TNR: variants seen among roughly 807,000 people sequenced by gnomAD.
TNR encodes tenascin-R.
TNR carries 45 observed loss-of-function variants against 150.4 expected under a neutral mutation model. The observed-to-expected ratio is 0.30, with a 90% CI of 0.24 to 0.38. The LOEUF is 0.38. Among genes scored for constraint, TNR ranks in the 10% least tolerant of loss-of-function variants. The pLI is 1.00. For missense variants in TNR, 1,544 were observed against 1,759.1 expected (o/e 0.88, Z 2.19); for synonymous variants, 687 against 678.4 (o/e 1.01, Z -0.20).
chr1:175,484,337 C>T (rs2102131502), intron 2 of TNR, among the ~76,000 whole-genome samples: 1 of 152,356 alleles, frequency 6.6e-6, no homozygotes, highest in Non-Finnish European at 1.5e-5. Context: ...CACTCTTCCT[C>T]TTTCCCTTTC....
Position 175,736,401 on chromosome 1 carries a change from G to A in TNR, c.-165+6825C>T, listed in dbSNP as rs564814127. On this transcript the variant is annotated intron_variant, in intron 1 of 22. Transcript: ENST00000367674. ...TGGGGCGTGGTGGCCGGTGCCTGTA[G>A]TCCCAGCTACTTGGGAGGCTGAGGC... Among the ~76,000 whole-genome samples the A allele has an allele frequency of 4.6e-5, 7 of 152,148 alleles. No individual in the cohort carries two copies. The South Asian group carries it at 1.5e-3, about 32-fold the overall frequency.
intron 8 of TNR, among the ~76,000 whole-genome samples, chr1:175,381,132 T>C (rs1652658976): frequency 6.6e-6 from 1 of 152,232 alleles, no homozygotes; most frequent in African/African-American, 2.4e-5. Flanking sequence ...TTATGTGTGT[T>C]ATTTCTCCAG....
In TNR at chr1:175,356,461, G is replaced by A. The variant is rs777809906; in HGVS notation, c.2976C>T (p.Val992=). ...CGTCAACAAGGATGGTCTCTCCAGCGACTGAACTCAAATGAATATGAATAA... is the reference window on the plus strand; with the variant it reads ...CGTCAACAAGGATGGTCTCTCCAGCAACTGAACTCAAATGAATATGAATAA... ...NYVIVLTHFA[V]AGETILVDGV... Residue 992 remains valine (V), a splice_region_variant and synonymous_variant, in exon 16 of 23, where the codon GTC becomes GTT. Coordinates refer to ENST00000367674, the MANE Select transcript of TNR (RefSeq NM_003285.3). 5.0e-6 allele frequency: 8 copies of A among 1,613,710 alleles called. No individual in the cohort carries two copies. The highest frequency in any genetic ancestry group is 4.4e-5 in the South Asian group (4 of 91,044).
chr1:175,695,943 T>C (rs1558077507), intron 1 of TNR, among the ~76,000 whole-genome samples: 1 of 151,978 alleles, frequency 6.6e-6, no homozygotes, highest in African/African-American at 2.4e-5. Context: ...AATTGTTGGA[T>C]GGATGGAAGG....
At chr1:175,490,542 A>G (rs1433159878) in intron 2 of TNR, among the ~76,000 whole-genome samples, 1 of 152,168 alleles carries the variant, frequency 6.6e-6, no homozygotes, top group Non-Finnish European at 1.5e-5. Context: ...AACCAATCCC[A>G]TTAAAAAGTG....
intron 1 of TNR, among the ~76,000 whole-genome samples, chr1:175,623,336 A>G (rs1274541156): frequency 6.6e-6 from 1 of 152,222 alleles, no homozygotes; most frequent in African/African-American, 2.4e-5. Context: ...TACCTGATAC[A>G]GTCTTTGGAT....
chr1:175,489,760 C>T (rs1284931622), intron 2 of TNR, among the ~76,000 whole-genome samples: 1 of 152,202 alleles, frequency 6.6e-6, no homozygotes, highest in Non-Finnish European at 1.5e-5. Flanking sequence ...CTGTTTTTTA[C>T]ATCACTTTTT....
At chr1:175,703,659 G>A (rs1191465259) in intron 1 of TNR, among the ~76,000 whole-genome samples, 1 of 152,072 alleles carries the variant, frequency 6.6e-6, no homozygotes, top group African/African-American at 2.4e-5. Flanking sequence ...AGACAAATGA[G>A]CAAAAGATAT....
intron 1 of TNR, among the ~76,000 whole-genome samples, chr1:175,551,299 A>T (rs1660926323): frequency 6.6e-6 from 1 of 152,222 alleles, no homozygotes; most frequent in Admixed American, 6.5e-5. Flanking sequence ...CAAATTACTT[A>T]TCAAGTGTGA....
At chr1:175,548,777 T>A (rs1290939975) in intron 1 of TNR, among the ~76,000 whole-genome samples, 2 of 152,182 alleles carry the variant, frequency 1.3e-5, no homozygotes, top group Non-Finnish European at 2.9e-5. Context: ...ACATCTCACT[T>A]GATTACACTT....
At chr1:175,680,802 G>A (rs1480583445) in intron 1 of TNR, among the ~76,000 whole-genome samples, 1 of 152,146 alleles carries the variant, frequency 6.6e-6, no homozygotes, top group African/African-American at 2.4e-5. Flanking sequence ...CTACAAACAG[G>A]GCAGCATTGC....
intron 2 of TNR, among the ~76,000 whole-genome samples, chr1:175,435,394 T>C (rs1299057079): frequency 6.6e-6 from 1 of 152,142 alleles, no homozygotes; most frequent in East Asian, 1.9e-4. Context: ...AAATAGAAGA[T>C]TGACATTCCA....
intron 1 of TNR, among the ~76,000 whole-genome samples, chr1:175,567,340 G>A (rs1018143310): frequency 1.3e-5 from 2 of 152,122 alleles, no homozygotes; most frequent in Non-Finnish European, 2.9e-5. Flanking sequence ...ACAGTGCTGC[G>A]GGCTGATGGG....
Position 175,323,305 on chromosome 1 carries a change from A to G in TNR, c.*52T>C. 6.2e-7 allele frequency: 1 copy of G among 1,605,130 alleles called. No individual in the cohort carries two copies. The highest frequency in any genetic ancestry group is 1.1e-5 in the South Asian group (1 of 90,222). ...ACCCTCCCCCCTTGTTTCATATTAT[A>G]AAATACAAACAAATGACAGAAAATA... On this transcript the variant is annotated 3_prime_UTR_variant, in exon 23 of 23. Coordinates refer to ENST00000367674, the MANE Select transcript of TNR (RefSeq NM_003285.3).
At chr1:175,652,846 G>A (rs1665040854) in intron 1 of TNR, among the ~76,000 whole-genome samples, 2 of 152,124 alleles carry the variant, frequency 1.3e-5, no homozygotes, top group South Asian at 4.1e-4. Flanking sequence ...ACTAATACAG[G>A]AAACCCAATA....
At chr1:175,729,138 T>A (rs1667558277) in intron 1 of TNR, among the ~76,000 whole-genome samples, 1 of 152,218 alleles carries the variant, frequency 6.6e-6, no homozygotes, top group Non-Finnish European at 1.5e-5. Context: ...CTTAGCAGGT[T>A]GTTCCTTGAC....
At chr1:175,422,225 G>T (rs1476145360) in intron 2 of TNR, among the ~76,000 whole-genome samples, 1 of 152,212 alleles carries the variant, frequency 6.6e-6, no homozygotes, top group Non-Finnish European at 1.5e-5. Flanking sequence ...AGCTCCAGCA[G>T]AACTTGTTTT....
Position 175,355,651 on chromosome 1 carries a change from T to A in TNR, c.3119-18A>T. On this transcript the variant is annotated intron_variant, in intron 16 of 22. Coordinates refer to ENST00000367674, the MANE Select transcript of TNR (RefSeq NM_003285.3). ...GTCCAGGACTGCAAAGAGGAGAAAG[T>A]GCCAGGGCATGCCTGCCTCTCCAGC... 1 of 1,612,674 alleles carries A rather than the reference T, an allele frequency of 6.2e-7. No homozygotes were observed. Among genetic ancestry groups the A allele is most frequent in the South Asian group, 1.1e-5 (1 of 90,832 alleles).
intron 20 of TNR, chr1:175,335,196 G>A (rs1057023683): frequency 1.3e-5 from 2 of 152,640 alleles, no homozygotes; most frequent in Non-Finnish European, 2.9e-5. Flanking sequence ...CGCCAGTTTG[G>A]TTCTCGATCT....
Sources: allele counts gnomAD v4.1 joint callset (sites outside exome capture counted in the v4.1 genomes callset), GRCh38; gene constraint gnomAD v4.1.1; transcripts MANE v1.5; gene names NCBI Gene and HGNC (gene_info 2026-07-23, HGNC 2026-07-21).